Variants in AOAH observed in about 807,000 individuals in gnomAD.
AOAH encodes the protein acyloxyacyl hydrolase.
Under a neutral mutation model 92.2 loss-of-function variants are expected in AOAH, and 64 were observed. The observed-to-expected ratio is 0.69, with a 90% CI of 0.57 to 0.86. AOAH has a LOEUF of 0.86. Ranked by LOEUF, AOAH falls within the 40% of genes least tolerant of loss-of-function variation. The pLI, the probability that AOAH is intolerant of heterozygous loss-of-function variation, is 0.00. For missense variants in AOAH, 656 were observed against 694.6 expected (o/e 0.94, Z 0.62); for synonymous variants, 263 against 254.5 (o/e 1.03, Z -0.32).
intron 4 of AOAH, among the ~76,000 whole-genome samples, chr7:36,648,067 G>A (rs935873733): frequency 6.6e-6 from 1 of 152,008 alleles, no homozygotes; most frequent in Non-Finnish European, 1.5e-5. Flanking sequence ...CCTGACCTCA[G>A]GTGATCCTCC....
chr7:36,639,201 T>G (rs1793726869), intron 4 of AOAH, among the ~76,000 whole-genome samples: 1 of 152,224 alleles, frequency 6.6e-6, no homozygotes, highest in African/African-American at 2.4e-5. Context: ...TTCTGGAAAT[T>G]CTAGCAAACC....
At chr7:36,713,776 A>C (rs975078675) in intron 1 of AOAH, among the ~76,000 whole-genome samples, 1 of 152,230 alleles carries the variant, frequency 6.6e-6, no homozygotes, top group East Asian at 1.9e-4. Flanking sequence ...CTTTGAAACC[A>C]ATGAGAACAA....
chr7:36,690,008 T>C, intron 1 of AOAH: 1 of 309,456 alleles, frequency 3.2e-6, no homozygotes, highest in African/African-American at 2.2e-5. Flanking sequence ...TTCAACTCCA[T>C]CATTAGCATT....
chr7:36,638,067 T>TAATA (rs1793646100), intron 4 of AOAH, among the ~76,000 whole-genome samples, 157 bp from the exon 5 acceptor site: 1 of 152,238 alleles, frequency 6.6e-6, no homozygotes, highest in Admixed American at 6.5e-5. Flanking sequence ...AATTTCACAT[T>TAATA]AATAGCTCTT....
At chr7:36,655,343 GA>G (rs35354930) in intron 4 of AOAH, among the ~76,000 whole-genome samples, 21,386 of 152,104 alleles carry the variant, frequency 0.14, 1,872 homozygotes, top group Non-Finnish European at 0.19. Context: ...ATTTTGTTGG[GA>G]TAGTTAGGAA....
At chr7:36,621,853 T>C (rs1792306304) in intron 7 of AOAH, 73 bp from the exon 8 acceptor site, 1 of 1,346,404 alleles carries the variant, frequency 7.4e-7, no homozygotes, top group Non-Finnish European at 1.1e-6. Context: ...CTAATCAGAG[T>C]TGTCTGAATG....
At chr7:36,641,045 G>T (rs1303053680) in intron 4 of AOAH, among the ~76,000 whole-genome samples, 2 of 152,140 alleles carry the variant, frequency 1.3e-5, no homozygotes, top group Non-Finnish European at 2.9e-5. Flanking sequence ...CCTGCAGCTT[G>T]AGCTAAGCTC....
chr7:36,680,171 T>C lies in AOAH; in HGVS notation c.224-6162A>G, dbSNP rs77332838. On this transcript the variant is annotated intron_variant, in intron 2 of 20. Coordinates refer to ENST00000617537, the MANE Select transcript of AOAH (RefSeq NM_001637.4). Reference sequence around the variant, plus strand: ...TCTGTTGACCCCTGACTAGTGAGAATGATTCCATTAATCATTTTCCATTAA... The same window carrying C: ...TCTGTTGACCCCTGACTAGTGAGAACGATTCCATTAATCATTTTCCATTAA... Among the ~76,000 whole-genome samples, 908 of 152,310 alleles carry C rather than the reference T, an allele frequency of 6.0e-3. 8 individuals are homozygous for C. The highest frequency in any genetic ancestry group is 0.021 in the African/African-American group (882 of 41,582).
chr7:36,557,986 G>A (rs1583814883), intron 13 of AOAH, among the ~76,000 whole-genome samples: 1 of 152,140 alleles, frequency 6.6e-6, no homozygotes. Flanking sequence ...CTCTCAACTC[G>A]TCAAAGTCAT....
intron 11 of AOAH, among the ~76,000 whole-genome samples, chr7:36,612,481 TTATAAA>T (rs1318278363): frequency 6.6e-6 from 1 of 152,244 alleles, no homozygotes; most frequent in Non-Finnish European, 1.5e-5. Flanking sequence ...ATTTTTGCTC[TTATAAA>T]TAAATACCTC....
At chr7:36,695,520 A>G (rs1797659447) in intron 1 of AOAH, among the ~76,000 whole-genome samples, 1 of 152,168 alleles carries the variant, frequency 6.6e-6, no homozygotes, top group Admixed American at 6.5e-5. Context: ...TTTCCTTAGA[A>G]ATCTGAGGCC....
intron 6 of AOAH, among the ~76,000 whole-genome samples, chr7:36,627,370 ATTCTTTCAACGTAGCTCCGGG>A (rs923595950): frequency 2.0e-4 from 31 of 152,326 alleles, no homozygotes; most frequent in African/African-American, 7.5e-4. Flanking sequence ...AGCCACGGGA[ATTCTTTCAACGTAGCTCCGGG>A]TTCTGAAATT....
chr7:36,546,014 A>G (rs1295576807), intron 15 of AOAH, among the ~76,000 whole-genome samples: 1 of 152,264 alleles, frequency 6.6e-6, no homozygotes, highest in Non-Finnish European at 1.5e-5. Context: ...AAAAGCGCAA[A>G]GGAAGCTGAG....
intron 18 of AOAH, 37 bp downstream of exon 18, chr7:36,532,110 A>G: frequency 1.9e-6 from 3 of 1,611,192 alleles, no homozygotes; most frequent in Non-Finnish European, 2.5e-6. Flanking sequence ...GGAAAGAATG[A>G]TCAAAGATGG....
chr7:36,690,651 C>CA (rs1797341060), intron 1 of AOAH, among the ~76,000 whole-genome samples: 2 of 152,284 alleles, frequency 1.3e-5, no homozygotes, highest in South Asian at 4.1e-4. Context: ...GTGAATTTGT[C>CA]AGAGTTGCTG....
intron 13 of AOAH, among the ~76,000 whole-genome samples, chr7:36,568,765 A>G (rs1167262972): frequency 6.6e-6 from 1 of 151,846 alleles, no homozygotes; most frequent in Non-Finnish European, 1.5e-5. Context: ...TTCTCTCCTT[A>G]GCCTTCCTGA....
At position 36,513,061 on chromosome 7, in the gene AOAH, A is replaced by G; in HGVS notation, c.*191T>C. The G allele has an allele frequency of 6.5e-7, 1 of 1,547,332 alleles. No homozygotes were observed. The highest frequency in any genetic ancestry group is 1.4e-5 in the African/African-American group (1 of 73,556). ...TTCAGGAACAGCGGAAGGGTTACTG[A>G]TCCCGGGAGCACACAGCATTGCACA... On this transcript the variant is annotated 3_prime_UTR_variant, in exon 21 of 21. Coordinates refer to ENST00000617537, the MANE Select transcript of AOAH (RefSeq NM_001637.4).
In AOAH at chr7:36,672,735, A is replaced by G. The variant is rs139656526; in HGVS notation, c.290+1208T>C. 3.4e-3 allele frequency among the ~76,000 whole-genome samples: 523 copies of G among 152,278 alleles called. 3 individuals are homozygous for G. The highest frequency in any genetic ancestry group is 0.012 in the African/African-American group (508 of 41,566). ...AAACCACCATGGCACATGTAAACCT[A>G]TGTAACAAACCTGCATGTTCAGCAC... On this transcript the variant is annotated intron_variant, in intron 3 of 20. Transcript: ENST00000617537.
intron 12 of AOAH, among the ~76,000 whole-genome samples, chr7:36,585,496 G>GA (rs1161433271): frequency 9.9e-5 from 15 of 152,202 alleles, no homozygotes; most frequent in African/African-American, 3.1e-4. Context: ...TTTTTCTTAA[G>GA]AAATCCTCAC....
Sources: gnomAD v4.1 joint callset for allele counts (sites outside exome capture counted in the v4.1 genomes callset) on GRCh38, gnomAD v4.1.1 for gene constraint, MANE v1.5 for transcripts, NCBI Gene and HGNC (gene_info 2026-07-23, HGNC 2026-07-21) for gene names.